Variants in ROBO2 observed in about 807,000 individuals in gnomAD.
ROBO2 encodes roundabout homolog 2.
ROBO2 carries 53 observed loss-of-function variants against 160.8 expected under a neutral mutation model. The observed-to-expected ratio is 0.33, with a 90% CI of 0.26 to 0.41. The LOEUF is 0.41. Ranked by LOEUF, ROBO2 falls within the 10% of genes least tolerant of loss-of-function variation. The pLI is 1.00. For synonymous variants in ROBO2, 664 were observed against 611.7 expected (o/e 1.09, Z -1.26); for missense variants, 1,577 against 1,722.4 (o/e 0.92, Z 1.49).
intron 2 of ROBO2, among the ~76,000 whole-genome samples, chr3:77,335,790 T>C (rs1283233006): frequency 6.6e-6 from 1 of 152,202 alleles, no homozygotes; most frequent in Non-Finnish European, 1.5e-5. Flanking sequence ...CCTAACTGTA[T>C]GTTAGATAAG....
intron 2 of ROBO2, among the ~76,000 whole-genome samples, chr3:76,875,245 A>C (rs1487880587): frequency 6.6e-6 from 1 of 152,158 alleles, no homozygotes; most frequent in Non-Finnish European, 1.5e-5. Flanking sequence ...AGAAAACCAA[A>C]CGTGCCAGTG....
intron 2 of ROBO2, among the ~76,000 whole-genome samples, chr3:77,403,629 T>A (rs1221322362): frequency 3.4e-5 from 5 of 146,560 alleles, no homozygotes; most frequent in African/African-American, 7.7e-5. Flanking sequence ...TTTTTTTTTT[T>A]ATCCATTCAT....
At chr3:76,866,738 C>A (rs1256893672) in intron 2 of ROBO2, among the ~76,000 whole-genome samples, 3 of 151,992 alleles carry the variant, frequency 2.0e-5, no homozygotes, top group Non-Finnish European at 1.5e-5. Context: ...TTATTATTTT[C>A]TTTTTAGCAA....
intron 2 of ROBO2, among the ~76,000 whole-genome samples, chr3:76,914,574 CTG>C (rs2076194168): frequency 6.6e-6 from 1 of 151,834 alleles, no homozygotes; most frequent in South Asian, 2.1e-4. Flanking sequence ...CCAAGAAAAT[CTG>C]TGTCATTTCT....
chr3:77,616,175 C>T (rs150276393), intron 21 of ROBO2, among the ~76,000 whole-genome samples: 160 of 152,230 alleles, frequency 1.1e-3, no homozygotes, highest in African/African-American at 3.7e-3. Context: ...CTTCACAAAA[C>T]TGATGACGTT....
chr3:76,979,509 C>T (rs1208835768), intron 2 of ROBO2, among the ~76,000 whole-genome samples: 2 of 151,728 alleles, frequency 1.3e-5, no homozygotes, highest in African/African-American at 2.4e-5. Flanking sequence ...AAATAATGGC[C>T]GCCAGTTCCA....
intron 2 of ROBO2, among the ~76,000 whole-genome samples, chr3:76,726,882 A>T (rs910077315): frequency 1.3e-5 from 2 of 152,196 alleles, no homozygotes; most frequent in Non-Finnish European, 2.9e-5. Context: ...AGCTACAAAA[A>T]GGAGGCTTAT....
At chr3:77,249,023 T>C (rs1221813856) in intron 2 of ROBO2, among the ~76,000 whole-genome samples, 1 of 152,060 alleles carries the variant, frequency 6.6e-6, no homozygotes, top group African/African-American at 2.4e-5. Flanking sequence ...GACTAACTTC[T>C]GTGTTTTTAG....
intron 2 of ROBO2, among the ~76,000 whole-genome samples, chr3:77,016,585 A>AT (rs1380297083): frequency 6.6e-6 from 1 of 152,190 alleles, no homozygotes; most frequent in Admixed American, 6.5e-5. Context: ...AAATGCCAGT[A>AT]TTTGAACTCT....
chr3:76,669,938 T>C (rs2092199150), intron 2 of ROBO2, among the ~76,000 whole-genome samples: 1 of 152,188 alleles, frequency 6.6e-6, no homozygotes, highest in Non-Finnish European at 1.5e-5. Flanking sequence ...TACTACCCAA[T>C]ATGTAATAAT....
intron 2 of ROBO2, among the ~76,000 whole-genome samples, chr3:76,978,955 A>G (rs2059952713): frequency 6.6e-6 from 1 of 151,312 alleles, no homozygotes; most frequent in Non-Finnish European, 1.5e-5. Flanking sequence ...AAAAAAAAAA[A>G]AAAGAAAAAC....
At position 77,431,567 on chromosome 3, in the gene ROBO2, A is replaced by T. The variant is rs140826920; in HGVS notation, c.389-45847A>T. 9.4e-3 allele frequency among the ~76,000 whole-genome samples: 1,433 copies of T among 152,264 alleles called. 19 individuals carry two copies. Among genetic ancestry groups the T allele is most frequent in the African/African-American group, 0.033 (1,351 of 41,550 alleles). On this transcript the variant is annotated intron_variant, in intron 2 of 25. Transcript: ENST00000461745. ...TTGCACATTATGCCTGAAATGACAT[A>T]GTCGCTGGACCCTGAGCCCTCCCAA... is the stretch of plus-strand genomic sequence containing the variant.
intron 2 of ROBO2, among the ~76,000 whole-genome samples, chr3:76,268,393 G>A (rs1220635314): frequency 6.6e-6 from 1 of 152,182 alleles, no homozygotes; most frequent in East Asian, 1.9e-4. Flanking sequence ...AGGCTGGGTA[G>A]TTTAACTACA....
At chr3:76,849,076 C>G (rs2069067468) in intron 2 of ROBO2, among the ~76,000 whole-genome samples, 1 of 152,138 alleles carries the variant, frequency 6.6e-6, no homozygotes, top group Non-Finnish European at 1.5e-5. Flanking sequence ...ACTGGCTCTG[C>G]ACCTAAGGCA....
At chr3:76,334,993 T>G (rs967308749) in intron 2 of ROBO2, among the ~76,000 whole-genome samples, 9 of 152,028 alleles carry the variant, frequency 5.9e-5, no homozygotes, top group African/African-American at 2.2e-4. Flanking sequence ...TTCAAATGCT[T>G]TTTTTCATCT....
chr3:76,787,331 C>CAA (rs3066544), intron 2 of ROBO2, among the ~76,000 whole-genome samples: 29 of 113,094 alleles, frequency 2.6e-4, no homozygotes, highest in African/African-American at 9.6e-4. Flanking sequence ...AAACACACCA[C>CAA]ACACACACAC....
intron 2 of ROBO2, among the ~76,000 whole-genome samples, chr3:76,552,058 A>G (rs1218559991): frequency 6.6e-6 from 1 of 152,154 alleles, no homozygotes; most frequent in Non-Finnish European, 1.5e-5. Context: ...CTGGCACGGC[A>G]ACACCCCACG....
chr3:76,740,910 A>C (rs1041417767), intron 2 of ROBO2, among the ~76,000 whole-genome samples: 3 of 152,056 alleles, frequency 2.0e-5, no homozygotes, highest in Admixed American at 2.0e-4. Flanking sequence ...GGTGTTTATA[A>C]AATCTTTGTT....
chr3:77,436,248 GTAAT>G (rs1560827000), intron 2 of ROBO2, among the ~76,000 whole-genome samples: 1 of 151,598 alleles, frequency 6.6e-6, no homozygotes. Flanking sequence ...TCACAAAGTA[GTAAT>G]TAATCAGACT....
Sources: allele counts gnomAD v4.1 joint callset (sites outside exome capture counted in the v4.1 genomes callset), GRCh38; gene constraint gnomAD v4.1.1; transcripts MANE v1.5; gene names NCBI Gene and HGNC (gene_info 2026-07-23, HGNC 2026-07-21).